The following SSX2IP variants were observed in gnomAD, a reference collection of about 807,000 sequenced individuals.
SSX2IP encodes the protein afadin- and alpha-actinin-binding protein.
A neutral mutation model predicts 84.9 loss-of-function variants in SSX2IP; 55 were observed. The ratio of observed to expected loss-of-function variants is 0.65; its 90% CI spans 0.52 to 0.81. The LOEUF (loss-of-function observed/expected upper bound fraction) is 0.81, where lower values mean the gene tolerates loss of function less well. SSX2IP is among the 30% of genes least tolerant of loss of function. SSX2IP has a pLI of 0.00. For synonymous variants in SSX2IP, 239 were observed against 234.7 expected (o/e 1.02, Z -0.17); for missense variants, 664 against 705.2 (o/e 0.94, Z 0.66).
At chr1:84,688,169 ATC>A (rs1656053318) in intron 1 of SSX2IP, among the ~76,000 whole-genome samples, 1 of 152,232 alleles carries the variant, frequency 6.6e-6, no homozygotes, top group Non-Finnish European at 1.5e-5. Context: ...TTGGCCCACA[ATC>A]AAAAGGCACA....
At chr1:84,685,511 G>A (rs1003237344) in intron 1 of SSX2IP, among the ~76,000 whole-genome samples, 42 of 152,346 alleles carry the variant, frequency 2.8e-4, no homozygotes, top group Admixed American at 7.2e-4. Context: ...AAGGAGTAAA[G>A]ATAGCACTGG....
intron 11 of SSX2IP, 75 bp downstream of exon 11, chr1:84,655,757 G>T: frequency 6.6e-7 from 1 of 1,507,422 alleles, no homozygotes; most frequent in Non-Finnish European, 8.9e-7. Context: ...AAGAAAAAAA[G>T]GAGACCTTAG....
At chr1:84,677,589 ATAT>A (rs1654544885) in intron 1 of SSX2IP, among the ~76,000 whole-genome samples, 1 of 152,170 alleles carries the variant, frequency 6.6e-6, no homozygotes, top group African/African-American at 2.4e-5. Context: ...AACAAACAGA[ATAT>A]AGCAGAAGTG....
chr1:84,664,684 A>T, intron 5 of SSX2IP, 132 bp from the exon 6 acceptor site: 1 of 707,202 alleles, frequency 1.4e-6, no homozygotes, highest in Non-Finnish European at 2.1e-6. Flanking sequence ...ACCAGTAGAA[A>T]CCACTTTTTT....
intron 4 of SSX2IP, among the ~76,000 whole-genome samples, chr1:84,669,159 GA>G (rs1653171781): frequency 1.3e-5 from 1 of 79,352 alleles, no homozygotes; most frequent in African/African-American, 4.1e-5. Flanking sequence ...ATGGTCCTGT[GA>G]AAAATACTTC....
In SSX2IP at chr1:84,661,067, TAAAAAAAAA is replaced by T. The variant is rs11362632; in HGVS notation, c.927+1122_927+1130del. ...GGCAACAGAGCAAGACTCCGTCTCTTAAAAAAAAAAAAAAAAAAAAAATTTAGGTAATTT... is the reference window on the plus strand; with the variant it reads ...GGCAACAGAGCAAGACTCCGTCTCTTAAAAAAAAAAAAATTTAGGTAATTT... On this transcript the variant is annotated intron_variant, in intron 8 of 13. Transcript: ENST00000342203. Among the ~76,000 whole-genome samples, 9 of 107,456 alleles carry T rather than the reference TAAAAAAAAA, an allele frequency of 8.4e-5. No homozygotes were observed. The Middle Eastern group carries it at 0.019, about 223-fold the overall frequency. 70.5% of individuals were successfully genotyped at this position (107,456 alleles called of 152,430 possible). A position where few individuals can be genotyped will look rare whatever the true frequency, so the allele number is the denominator to read the frequency against.
chr1:84,649,700 T>G (rs1404337136), intron 13 of SSX2IP: 2 of 302,182 alleles, frequency 6.6e-6, no homozygotes, highest in East Asian at 1.8e-4. Flanking sequence ...CCTCTCTGTC[T>G]TACTAGGAAT....
At chr1:84,652,891 G>T (rs2102202406) in intron 11 of SSX2IP, among the ~76,000 whole-genome samples, 1 of 151,860 alleles carries the variant, frequency 6.6e-6, no homozygotes, top group East Asian at 1.9e-4. Flanking sequence ...AATTAGCCGG[G>T]TGTGGTGGCG....
Position 84,647,370 on chromosome 1 carries a change from C to T in SSX2IP, c.*63G>A. On this transcript the variant is annotated 3_prime_UTR_variant, in exon 14 of 14. Coordinates refer to ENST00000342203, the MANE Select transcript of SSX2IP (RefSeq NM_001166293.2). ...GAGATAACTGACTTTATGACACACC[C>T]TGTTTCAACTTAGATGTGAAACTTG... is the stretch of plus-strand genomic sequence containing the variant. 7.1e-7 allele frequency: 1 copy of T among 1,405,924 alleles called. No homozygotes were observed. The highest frequency in any genetic ancestry group is 9.6e-7 in the Non-Finnish European group (1 of 1,045,566). 87.1% of individuals were successfully genotyped at this position (1,405,924 alleles called of 1,614,324 possible). A position where few individuals can be genotyped will look rare whatever the true frequency, so the allele number is the denominator to read the frequency against.
At chr1:84,686,130 T>A (rs1426291809) in intron 1 of SSX2IP, among the ~76,000 whole-genome samples, 2 of 152,200 alleles carry the variant, frequency 1.3e-5, no homozygotes, top group Non-Finnish European at 2.9e-5. Context: ...GCTGACTGTA[T>A]GCCAAGAACT....
intron 12 of SSX2IP, among the ~76,000 whole-genome samples, chr1:84,651,509 C>T (rs1650244887): frequency 6.6e-6 from 1 of 152,026 alleles, no homozygotes; most frequent in African/African-American, 2.4e-5. Flanking sequence ...GGGTGGATCA[C>T]CTGAGGTCAG....
chr1:84,673,367 C>G (rs1653862367), intron 1 of SSX2IP, among the ~76,000 whole-genome samples: 1 of 152,000 alleles, frequency 6.6e-6, no homozygotes, highest in African/African-American at 2.4e-5. Context: ...ACAGCAGATA[C>G]AAAGACTTAT....
Position 84,689,635 on chromosome 1 carries a change from A to G in SSX2IP, c.-90+736T>C, listed in dbSNP as rs191726534. Among the ~76,000 whole-genome samples, 9 of 152,346 alleles carry G rather than the reference A, an allele frequency of 5.9e-5. No individual in the cohort carries two copies. In the East Asian group the frequency reaches 1.2e-3, roughly 20 times the overall value. Reference sequence around the variant, plus strand: ...AAAAATTCCTACATTATACGTGCAGACAGCAAATTAGTATATTCTATGTCC... The same window carrying G: ...AAAAATTCCTACATTATACGTGCAGGCAGCAAATTAGTATATTCTATGTCC... On this transcript the variant is annotated intron_variant, in intron 1 of 13. Transcript: ENST00000342203.
intron 1 of SSX2IP, among the ~76,000 whole-genome samples, chr1:84,672,689 G>A (rs1653754774): frequency 6.6e-6 from 1 of 152,176 alleles, no homozygotes; most frequent in Non-Finnish European, 1.5e-5. Flanking sequence ...CCACAGTTCT[G>A]AATATTTAAG....
chr1:84,670,024 T>C (rs1653334157), intron 3 of SSX2IP, 131 bp from the exon 4 acceptor site: 2 of 630,748 alleles, frequency 3.2e-6, no homozygotes, highest in Non-Finnish European at 5.4e-6. Context: ...CCTCAGCTAA[T>C]AACTACGTAC....
At chr1:84,670,019 G>T in intron 3 of SSX2IP, 126 bp from the exon 4 acceptor site, 1 of 642,678 alleles carries the variant, frequency 1.6e-6, no homozygotes, top group Non-Finnish European at 2.6e-6. Context: ...GGTGACCTCA[G>T]CTAATAACTA....
intron 13 of SSX2IP, 135 bp from the exon 14 acceptor site, chr1:84,647,742 A>T: frequency 4.6e-5 from 22 of 473,510 alleles, no homozygotes; most frequent in Non-Finnish European, 5.8e-5. Context: ...ATAATTTAAA[A>T]TTTTACTTGG....
chr1:84,655,241 A>T, intron 11 of SSX2IP: 1 of 771,114 alleles, frequency 1.3e-6, no homozygotes, highest in Non-Finnish European at 1.6e-6. Context: ...ACCTCTAAGG[A>T]ATGAAACTGA....
Position 84,672,171 on chromosome 1 carries a change from C to CA in SSX2IP, c.-89-864dup, listed in dbSNP as rs531609781. 1.9e-3 allele frequency among the ~76,000 whole-genome samples: 282 copies of CA among 152,128 alleles called. 2 individuals carry two copies. The highest frequency in any genetic ancestry group is 6.8e-3 in the Middle Eastern group (2 of 294). Reference sequence around the variant, plus strand: ...TTTCTCCATCATAAGAAAAACAATTCAAATGAAATTGTAAGTGGCAACTGG... The same window carrying CA: ...TTTCTCCATCATAAGAAAAACAATTCAAAATGAAATTGTAAGTGGCAACTGG... On this transcript the variant is annotated intron_variant, in intron 1 of 13. Transcript: ENST00000342203.
Sources: allele counts gnomAD v4.1 joint callset (sites outside exome capture counted in the v4.1 genomes callset), GRCh38; gene constraint gnomAD v4.1.1; transcripts MANE v1.5; gene names NCBI Gene and HGNC (gene_info 2026-07-23, HGNC 2026-07-21).